HERC6: variants seen among roughly 807,000 people sequenced by gnomAD.
HERC6 encodes probable E3 ubiquitin-protein ligase HERC6.
Under a neutral mutation model 114.5 loss-of-function variants are expected in HERC6, and 101 were observed. That is an observed-to-expected ratio of 0.88 (90% confidence interval 0.75 to 1.04). HERC6 has a LOEUF of 1.04. HERC6 is among the 50% of genes least tolerant of loss of function. HERC6 has a pLI of 0.00. For synonymous variants in HERC6, 408 were observed against 436.2 expected (o/e 0.94, Z 0.81); for missense variants, 1,133 against 1,230.9 (o/e 0.92, Z 1.19).
At chr4:88,398,538 AT>A in intron 8 of HERC6, 1 of 190,334 alleles carries the variant, frequency 5.3e-6, no homozygotes. Flanking sequence ...AGGGAACTGA[AT>A]TTTCCCTGTC....
chr4:88,398,404 C>G (rs1037960111), intron 8 of HERC6, 195 bp downstream of exon 8: 2 of 403,298 alleles, frequency 5.0e-6, no homozygotes, highest in South Asian at 7.7e-5. Context: ...CAGATTAGAC[C>G]CCCCCACCAC....
intron 11 of HERC6, among the ~76,000 whole-genome samples, chr4:88,412,130 AAC>A (rs1230243932): frequency 1.3e-5 from 2 of 152,190 alleles, no homozygotes; most frequent in Non-Finnish European, 2.9e-5. Context: ...CATCTGTAAA[AAC>A]AAGGTAAAAC....
chr4:88,428,491 A>T, intron 15 of HERC6, 89 bp from the exon 16 acceptor site: 1 of 982,564 alleles, frequency 1.0e-6, no homozygotes, highest in Non-Finnish European at 1.5e-6. Flanking sequence ...AGTATATACT[A>T]CACAAAATGT....
rs1251885449 is a variant in HERC6, at chr4:88,417,459, G to A, written c.1593G>A (p.Leu531=). Residue 531 remains leucine (L), a synonymous_variant, in exon 13 of 23, where the codon CTG becomes CTA. Transcript: ENST00000264346. ...KCWAFLQESS[L]NPLIQMLKAA... ...GGGCATTTTTGCAAGAATCTTCTCT[G>A]AATCCGCTGATCCAGATGCTTAAAG... 1 of 1,610,548 alleles carries A rather than the reference G, an allele frequency of 6.2e-7. No individual in the cohort carries two copies. The highest frequency in any genetic ancestry group is 2.2e-5 in the East Asian group (1 of 44,762).
intron 4 of HERC6, among the ~76,000 whole-genome samples, chr4:88,391,110 C>G (rs1734896861): frequency 6.6e-6 from 1 of 152,190 alleles, no homozygotes; most frequent in African/African-American, 2.4e-5. Flanking sequence ...GGTCAGGATT[C>G]TGACACACGT....
At chr4:88,392,272 A>C (rs1239232414) in intron 4 of HERC6, among the ~76,000 whole-genome samples, 1 of 149,244 alleles carries the variant, frequency 6.7e-6, no homozygotes, top group Non-Finnish European at 1.5e-5. Context: ...TCAGCTCCCG[A>C]GTAGCTGGGC....
intron 4 of HERC6, among the ~76,000 whole-genome samples, chr4:88,391,514 C>A (rs1230826149): frequency 6.6e-6 from 1 of 152,174 alleles, no homozygotes; most frequent in Non-Finnish European, 1.5e-5. Flanking sequence ...TTTGGGAGGC[C>A]ATTATTCAGC....
chr4:88,431,145 A>G lies in HERC6; in HGVS notation c.2107-17A>G, dbSNP rs761708429. On this transcript the variant is annotated splice_polypyrimidine_tract_variant and intron_variant, in intron 16 of 22. Coordinates refer to ENST00000264346, the MANE Select transcript of HERC6 (RefSeq NM_017912.4). The stretch of plus-strand genomic sequence containing the variant: ...GTATTTTAAGTCAGGATCTGGGACT[A>G]TGTTCTCTTTCCTTAGGTTGAATTT... The G allele has an allele frequency of 1.9e-6, 3 of 1,599,698 alleles. No homozygotes were observed. The highest frequency in any genetic ancestry group is 1.8e-5 in the Admixed American group (1 of 56,598).
At position 88,390,582 on chromosome 4, in the gene HERC6, A is replaced by G. The variant is rs370631020; in HGVS notation, c.437-70A>G. On this transcript the variant is annotated intron_variant, in intron 3 of 22. Transcript: ENST00000264346. ...TAAAGCCACAAAAAAGATTTGTAGA[A>G]TTAGTAGTTTCTATTTGAATTTGGT... The G allele has an allele frequency of 3.8e-6, 5 of 1,329,402 alleles. No individual in the cohort carries two copies. The African/African-American group carries it at 5.9e-5, about 16-fold the overall frequency. 82.4% of individuals were successfully genotyped at this position (1,329,402 alleles called of 1,614,324 possible).
intron 11 of HERC6, among the ~76,000 whole-genome samples, chr4:88,409,417 G>A (rs1735972037): frequency 6.6e-6 from 1 of 152,094 alleles, no homozygotes; most frequent in Admixed American, 6.5e-5. Flanking sequence ...TTTATGATTG[G>A]GGCCGAAAGA....
At chr4:88,384,407 G>T (rs1202642354) in intron 2 of HERC6, among the ~76,000 whole-genome samples, 1 of 152,060 alleles carries the variant, frequency 6.6e-6, no homozygotes, top group Non-Finnish European at 1.5e-5. Flanking sequence ...TAAACCACTG[G>T]GCCCTAACAT....
At chr4:88,438,570 G>A (rs1739004007) in intron 20 of HERC6, among the ~76,000 whole-genome samples, 1 of 152,148 alleles carries the variant, frequency 6.6e-6, no homozygotes, top group Admixed American at 6.6e-5. Flanking sequence ...GTAATATAAT[G>A]TCAGATAAGG....
At chr4:88,407,214 A>G (rs2148894665) in intron 10 of HERC6, among the ~76,000 whole-genome samples, 1 of 151,902 alleles carries the variant, frequency 6.6e-6, no homozygotes. Flanking sequence ...AGTAGCTGGG[A>G]TTACAGGCAT....
chr4:88,425,692 A>G (rs1737534984), intron 15 of HERC6, among the ~76,000 whole-genome samples: 2 of 152,186 alleles, frequency 1.3e-5, no homozygotes. Context: ...GTCCCACATA[A>G]GATTTACATA....
At chr4:88,425,904 C>G (rs1236067660) in intron 15 of HERC6, among the ~76,000 whole-genome samples, 1 of 151,984 alleles carries the variant, frequency 6.6e-6, no homozygotes, top group Non-Finnish European at 1.5e-5. Flanking sequence ...AGAACTTATA[C>G]CCATTATTGA....
At chr4:88,424,401 G>C (rs572106879) in intron 14 of HERC6, among the ~76,000 whole-genome samples, 194 bp from the exon 15 acceptor site, 1 of 152,186 alleles carries the variant, frequency 6.6e-6, no homozygotes, top group South Asian at 2.1e-4. Flanking sequence ...GATCACTTGA[G>C]CCCAGAGAAG....
intron 13 of HERC6, among the ~76,000 whole-genome samples, chr4:88,421,893 A>G (rs1268832503): frequency 6.6e-6 from 1 of 152,098 alleles, no homozygotes; most frequent in East Asian, 1.9e-4. Flanking sequence ...CTTATTGCCC[A>G]TTTCTGTATC....
rs571195131 is a variant in HERC6, at chr4:88,420,017, C to CCTCTG, written c.1713+2443_1713+2447dup. On this transcript the variant is annotated intron_variant, in intron 13 of 22. Transcript: ENST00000264346. ...TCCTCTGTCTTCTCCTCTCCCTCTC[C>CCTCTG]CTCTGCTCTCTCTCTCTCTCGGCTT... is the stretch of plus-strand genomic sequence containing the variant. Among the ~76,000 whole-genome samples the CCTCTG allele has an allele frequency of 1.6e-4, 24 of 152,048 alleles. No homozygotes were observed. In the South Asian group the frequency reaches 4.2e-3, roughly 26 times the overall value.
intron 7 of HERC6, 59 bp from the exon 8 acceptor site, chr4:88,398,083 A>G: frequency 8.6e-7 from 1 of 1,165,800 alleles, no homozygotes; most frequent in Non-Finnish European, 1.2e-6. Context: ...GCTTGATAAT[A>G]CATCAGATTT....
Sources: allele counts gnomAD v4.1 joint callset (sites outside exome capture counted in the v4.1 genomes callset), GRCh38; gene constraint gnomAD v4.1.1; transcripts MANE v1.5; gene names NCBI Gene and HGNC (gene_info 2026-07-23, HGNC 2026-07-21).